ABCA1: variants seen among roughly 807,000 people sequenced by gnomAD.
ABCA1 encodes phospholipid-transporting ATPase ABCA1.
A neutral mutation model predicts 262.5 loss-of-function variants in ABCA1; 133 were observed. The ratio of observed to expected loss-of-function variants is 0.51; its 90% CI spans 0.44 to 0.59. ABCA1 has a LOEUF of 0.59. Among genes scored for constraint, ABCA1 ranks in the 20% least tolerant of loss-of-function variants. The pLI, the probability that ABCA1 is intolerant of heterozygous loss-of-function variation, is 0.00. For synonymous variants in ABCA1, 1,022 were observed against 1,043.5 expected (o/e 0.98, Z 0.40); for missense variants, 2,452 against 2,777.5 (o/e 0.88, Z 2.63).
chr9:104,826,098 A>G (rs911307964), intron 16 of ABCA1, among the ~76,000 whole-genome samples: 2 of 152,220 alleles, frequency 1.3e-5, no homozygotes, highest in Non-Finnish European at 2.9e-5. Context: ...CACTCATTAT[A>G]TACAAACATT....
At chr9:104,889,437 G>T in intron 2 of ABCA1, 1 of 902,746 alleles carries the variant, frequency 1.1e-6, no homozygotes, top group Non-Finnish European at 1.3e-6. Context: ...GCTTTATCTG[G>T]TTCACTTCTA....
chr9:104,818,583 G>A (rs1054602699), intron 23 of ABCA1, 80 bp downstream of exon 23: 5 of 1,331,002 alleles, frequency 3.8e-6, no homozygotes, highest in African/African-American at 1.4e-5. Context: ...AAAAGGGGTG[G>A]AGATGGAGAA....
chr9:104,885,692 C>T (rs78853242), intron 3 of ABCA1, among the ~76,000 whole-genome samples: 3,270 of 152,196 alleles, frequency 0.021, 103 homozygotes, highest in African/African-American at 0.076. Flanking sequence ...GTTTGGTTTG[C>T]GGCCGTAATA....
chr9:104,840,866 G>C (rs1042077456), intron 8 of ABCA1, among the ~76,000 whole-genome samples: 2 of 152,202 alleles, frequency 1.3e-5, no homozygotes, highest in Admixed American at 6.5e-5. Context: ...ACAGCCTGGA[G>C]TTAGTGAAGC....
Position 104,784,210 on chromosome 9 carries a change from T to A in ABCA1, c.*105A>T. The A allele has an allele frequency of 2.1e-6, 3 of 1,452,866 alleles. No homozygotes were observed. Among genetic ancestry groups the A allele is most frequent in the Non-Finnish European group, 2.9e-6 (3 of 1,041,154 alleles). 90.0% of individuals were successfully genotyped at this position (1,452,866 alleles called of 1,614,324 possible). On this transcript the variant is annotated 3_prime_UTR_variant, in exon 50 of 50. Transcript: ENST00000374736. ...GTATCAGTACAGTATCCAGTTTACT[T>A]CTTCCCACATCAACTTCTGGCTCTT...
In ABCA1 at chr9:104,822,216, C is replaced by A. The variant is rs73663556; in HGVS notation, c.2828+280G>T. ...ACTCCCTCCAACATATGTAATCTAT[C>A]TTTTCGTGGCTGCAGGTTCCAAGAC... On this transcript the variant is annotated intron_variant, in intron 19 of 49. Coordinates refer to ENST00000374736, the MANE Select transcript of ABCA1 (RefSeq NM_005502.4). Among the ~76,000 whole-genome samples, 1,390 of 152,288 alleles carry A rather than the reference C, an allele frequency of 9.1e-3. 29 individuals are homozygous for A. Among genetic ancestry groups the A allele is most frequent in the African/African-American group, 0.032 (1,312 of 41,544 alleles).
At chr9:104,892,671 T>A (rs1839852900) in intron 2 of ABCA1, among the ~76,000 whole-genome samples, 1 of 152,174 alleles carries the variant, frequency 6.6e-6, no homozygotes, top group African/African-American at 2.4e-5. Flanking sequence ...AATGAGCTGG[T>A]TTAAAAGATA....
chr9:104,911,277 G>A (rs1841480209), intron 1 of ABCA1, among the ~76,000 whole-genome samples: 1 of 152,118 alleles, frequency 6.6e-6, no homozygotes, highest in African/African-American at 2.4e-5. Flanking sequence ...CCAGAGAGAT[G>A]CACAGGGTCC....
intron 32 of ABCA1, 74 bp downstream of exon 32, chr9:104,804,552 G>T: frequency 8.4e-7 from 1 of 1,189,848 alleles, no homozygotes; most frequent in Non-Finnish European, 1.3e-6. Flanking sequence ...CACTGTTTCA[G>T]TCTGTTATTT....
At chr9:104,899,662 C>G (rs1588548287) in intron 2 of ABCA1, among the ~76,000 whole-genome samples, 2 of 152,052 alleles carry the variant, frequency 1.3e-5, no homozygotes, top group Non-Finnish European at 2.9e-5. Context: ...CCACTGCACT[C>G]CAGCCTGGGC....
chr9:104,886,907 T>C (rs1839226072), intron 3 of ABCA1, among the ~76,000 whole-genome samples: 1 of 152,172 alleles, frequency 6.6e-6, no homozygotes, highest in African/African-American at 2.4e-5. Flanking sequence ...CTCTCCAAGT[T>C]TCACCTTAAC....
rs556411270 is a variant in ABCA1 at position 104,828,911 on chromosome 9, C to G, written c.2115+5G>C. 5.0e-6 allele frequency: 8 copies of G among 1,614,038 alleles called. No homozygotes were observed. Among genetic ancestry groups the G allele is most frequent in the Non-Finnish European group, 6.8e-6 (8 of 1,179,966 alleles). On this transcript the variant is annotated splice_donor_5th_base_variant and intron_variant, in intron 15 of 49. Transcript: ENST00000374736. ...GGCAGGGAAGAGCGAGTGAGGCTGC[C>G]TTACCTTCAGGATGACCACTAGCAG... is the stretch of plus-strand genomic sequence containing the variant.
chr9:104,786,247 A>C (rs1383175763), intron 48 of ABCA1, 51 bp downstream of exon 48: 3 of 1,416,502 alleles, frequency 2.1e-6, no homozygotes, highest in African/African-American at 1.4e-5. Context: ...CAAAAGAATA[A>C]ATATCAAGCC....
At chr9:104,786,436 T>A (rs1297072657) in intron 47 of ABCA1, 46 bp from the exon 48 acceptor site, 1 of 1,525,544 alleles carries the variant, frequency 6.6e-7, no homozygotes, top group South Asian at 1.1e-5. Context: ...AGATTCTCTG[T>A]AACCATGAGA....
intron 3 of ABCA1, among the ~76,000 whole-genome samples, 155 bp from the exon 4 acceptor site, chr9:104,884,723 G>A (rs1008433349): frequency 1.3e-5 from 2 of 152,170 alleles, no homozygotes; most frequent in African/African-American, 4.8e-5. Flanking sequence ...TGACTCTCAG[G>A]TGGAAACTTG....
At chr9:104,788,200 G>A in intron 45 of ABCA1, 146 bp from the exon 46 acceptor site, 1 of 1,171,274 alleles carries the variant, frequency 8.5e-7, no homozygotes, top group Non-Finnish European at 1.3e-6. Flanking sequence ...CCAAAGCAGG[G>A]AGAAGGGACT....
rs79773168 is a variant in ABCA1 at position 104,843,669 on chromosome 9, T to G, written c.813+1808A>C. ...GAGCATACAGGGAAATGGGTGACAC[T>G]GTCTGAACCTAGGCAGCTTCTCAGA... On this transcript the variant is annotated intron_variant, in intron 8 of 49. Coordinates refer to ENST00000374736, the MANE Select transcript of ABCA1 (RefSeq NM_005502.4). 4.0e-3 allele frequency among the ~76,000 whole-genome samples: 608 copies of G among 152,330 alleles called. 1 individual carries two copies. Among genetic ancestry groups the G allele is most frequent in the African/African-American group, 0.014 (581 of 41,574 alleles).
chr9:104,907,899 C>A (rs974738515), intron 1 of ABCA1, among the ~76,000 whole-genome samples: 1 of 152,218 alleles, frequency 6.6e-6, no homozygotes, highest in African/African-American at 2.4e-5. Flanking sequence ...AATCTCCACA[C>A]CTCAGCCTTG....
chr9:104,786,543 G>GT (rs1828947665), intron 47 of ABCA1, among the ~76,000 whole-genome samples, 153 bp from the exon 48 acceptor site: 1 of 152,172 alleles, frequency 6.6e-6, no homozygotes, highest in South Asian at 2.1e-4. Flanking sequence ...GTGTAGTGGT[G>GT]TTTACAATTG....
Sources: allele counts gnomAD v4.1 joint callset (sites outside exome capture counted in the v4.1 genomes callset), GRCh38; gene constraint gnomAD v4.1.1; transcripts MANE v1.5; gene names NCBI Gene and HGNC (gene_info 2026-07-23, HGNC 2026-07-21).